The following WDR11 variants were observed in gnomAD, a reference collection of about 807,000 sequenced individuals.
The protein encoded by WDR11 is WD repeat domain 11.
Under a neutral mutation model 151.2 loss-of-function variants are expected in WDR11, and 83 were observed. That is an observed-to-expected ratio of 0.55 (90% CI 0.46 to 0.66). The LOEUF is 0.66. Among genes scored for constraint, WDR11 ranks in the 30% least tolerant of loss-of-function variants. The probability of loss-of-function intolerance (pLI) is 0.00; values close to 1 mark genes in which losing one functional copy is unlikely to be tolerated. For missense variants in WDR11, 1,301 were observed against 1,480.9 expected, an observed-to-expected ratio of 0.88 and a Z score of 1.99; for synonymous variants, 484 against 533.1, an observed-to-expected ratio of 0.91 and a Z score of 1.27.
chr10:120,878,998 A>T (rs1040084634), intron 12 of WDR11: 2 of 152,286 alleles, frequency 1.3e-5, no homozygotes, highest in African/African-American at 4.8e-5. Flanking sequence ...GCCTAAACCC[A>T]GTGAATTTCA....
At chr10:120,859,271 T>C (rs1564938410) in intron 3 of WDR11, among the ~76,000 whole-genome samples, 3 of 136,242 alleles carry the variant, frequency 2.2e-5, no homozygotes, top group African/African-American at 8.7e-5. Flanking sequence ...TTTTTTTTTT[T>C]CTTTTTTTTT....
At chr10:120,870,129 T>G (rs1221826851) in intron 9 of WDR11, among the ~76,000 whole-genome samples, 1 of 152,204 alleles carries the variant, frequency 6.6e-6, no homozygotes, top group Non-Finnish European at 1.5e-5. Context: ...AGATTGATAT[T>G]GAGTATGTGG....
Position 120,858,731 on chromosome 10 carries a change from T to C in WDR11, c.287T>C (p.Ile96Thr). 1 of 1,614,196 alleles carries C rather than the reference T, an allele frequency of 6.2e-7. No homozygotes were observed. Among genetic ancestry groups the C allele is most frequent in the East Asian group, 2.2e-5 (1 of 44,872 alleles). The change falls in exon 3 of 29, where the codon ATC becomes ACC. Residue 96 changes from isoleucine (I) to threonine (T), a missense_variant. By Grantham distance (89) the Ile-to-Thr change is moderately conservative (BLOSUM62 -1). Transcript: ENST00000263461. Reference sequence around the variant, plus strand: ...TCTGCTGATGTCAATGGGAAGATCATCGTCTGGGATGTAGCAGCAGGAGTA... The same window carrying C: ...TCTGCTGATGTCAATGGGAAGATCACCGTCTGGGATGTAGCAGCAGGAGTA... ...LASADVNGKIIVWDVAAGVAQ... is the reference protein window; with the variant it reads ...LASADVNGKITVWDVAAGVAQ...
intron 20 of WDR11, among the ~76,000 whole-genome samples, 164 bp downstream of exon 20, chr10:120,900,301 G>A (rs554870132): frequency 1.3e-5 from 2 of 152,204 alleles, no homozygotes; most frequent in African/African-American, 4.8e-5. Flanking sequence ...CTGGGTTCTC[G>A]GGCCTTTGTG....
chr10:120,865,268 AG>A (rs1297687443), intron 6 of WDR11, 56 bp downstream of exon 6: 2 of 1,551,518 alleles, frequency 1.3e-6, no homozygotes, highest in Non-Finnish European at 1.8e-6. Flanking sequence ...TTATATTAAA[AG>A]AAGGCCATAA....
At chr10:120,880,670 CG>C (rs1846969336) in intron 12 of WDR11, 155 bp from the exon 13 acceptor site, 1 of 720,394 alleles carries the variant, frequency 1.4e-6, no homozygotes, top group East Asian at 2.9e-5. Flanking sequence ...AAAAAAAACC[CG>C]AAAAAACAGA....
intron 28 of WDR11, chr10:120,907,834 G>A (rs1488122822): frequency 2.8e-5 from 4 of 142,240 alleles, no homozygotes; most frequent in Admixed American, 7.2e-5. Context: ...GTAGTAACCC[G>A]GGTCTCACTA....
chr10:120,885,284 TATAC>T (rs769424718), intron 14 of WDR11, among the ~76,000 whole-genome samples: 6 of 144,362 alleles, frequency 4.2e-5, no homozygotes, highest in African/African-American at 7.9e-5. Flanking sequence ...TATATATATA[TATAC>T]ACACACACAC....
At chr10:120,877,545 G>C (rs2133769810) in intron 11 of WDR11, among the ~76,000 whole-genome samples, 1 of 152,216 alleles carries the variant, frequency 6.6e-6, no homozygotes, top group South Asian at 2.1e-4. Context: ...CTTGAACCTG[G>C]GAGGCAGAGG....
intron 10 of WDR11, among the ~76,000 whole-genome samples, chr10:120,872,821 A>G (rs1386668074): frequency 1.3e-5 from 2 of 152,208 alleles, no homozygotes; most frequent in African/African-American, 4.8e-5. Flanking sequence ...CAACTGTACA[A>G]TGTGTTTTTC....
At chr10:120,870,226 C>G (rs1202258273) in intron 9 of WDR11, among the ~76,000 whole-genome samples, 1 of 152,116 alleles carries the variant, frequency 6.6e-6, no homozygotes, top group East Asian at 1.9e-4. Flanking sequence ...ATTAAAACAA[C>G]TTTACAGCTT....
At chr10:120,871,757 G>A (rs1247313827) in intron 10 of WDR11, among the ~76,000 whole-genome samples, 1 of 151,986 alleles carries the variant, frequency 6.6e-6, no homozygotes, top group East Asian at 1.9e-4. Flanking sequence ...ATAATAGCAG[G>A]GTTCTTCTTT....
At chr10:120,852,974 G>C (rs931991888) in intron 2 of WDR11, among the ~76,000 whole-genome samples, 1 of 152,238 alleles carries the variant, frequency 6.6e-6, no homozygotes, top group Admixed American at 6.5e-5. Flanking sequence ...CTCACAGCGT[G>C]ATAGTGTGAT....
At chr10:120,905,178 T>C (rs1847986014) in intron 25 of WDR11, 141 bp from the exon 26 acceptor site, 2 of 826,396 alleles carry the variant, frequency 2.4e-6, no homozygotes. Context: ...AATATTATGT[T>C]TCAGAATTTA....
At position 120,873,927 on chromosome 10, in the gene WDR11, A is replaced by C; in HGVS notation, c.1556+4A>C. On this transcript the variant is annotated splice_donor_region_variant and intron_variant, in intron 11 of 28. Coordinates refer to ENST00000263461, the MANE Select transcript of WDR11 (RefSeq NM_018117.12). The stretch of plus-strand genomic sequence containing the variant: ...GCATCCACTCATGTGAAGTCAAGTA[A>C]GTATGTCATTGTGATGATGACATCA... The C allele has an allele frequency of 1.2e-6, 2 of 1,600,476 alleles. No individual in the cohort carries two copies. The highest frequency in any genetic ancestry group is 8.6e-7 in the Non-Finnish European group (1 of 1,167,856).
At chr10:120,880,490 T>C (rs956878892) in intron 12 of WDR11, 52 of 262,842 alleles carry the variant, frequency 2.0e-4, no homozygotes, top group Admixed American at 9.0e-4. Flanking sequence ...TGAAACCCCA[T>C]CTCTACTAGG....
chr10:120,871,787 A>C (rs566909378), intron 10 of WDR11, among the ~76,000 whole-genome samples: 2 of 152,280 alleles, frequency 1.3e-5, no homozygotes, highest in Non-Finnish European at 2.9e-5. Flanking sequence ...TTATATATTA[A>C]ATATTATTTA....
At chr10:120,900,275 A>C in intron 20 of WDR11, 138 bp downstream of exon 20, 1 of 793,558 alleles carries the variant, frequency 1.3e-6, no homozygotes, top group Non-Finnish European at 2.1e-6. Flanking sequence ...GACACTACAG[A>C]ATTGCCAGGC....
intron 16 of WDR11, among the ~76,000 whole-genome samples, chr10:120,887,388 G>C (rs1265110903): frequency 6.6e-6 from 1 of 152,194 alleles, no homozygotes; most frequent in Non-Finnish European, 1.5e-5. Flanking sequence ...CTCATAGATA[G>C]TTTTTAATAG....
Sources: allele counts gnomAD v4.1 joint callset (sites outside exome capture counted in the v4.1 genomes callset), GRCh38; gene constraint gnomAD v4.1.1; transcripts MANE v1.5; gene names NCBI Gene and HGNC (gene_info 2026-07-23, HGNC 2026-07-21).